Variants in DARS1 observed in about 807,000 individuals in gnomAD.
DARS1 encodes the protein aspartyl-tRNA synthetase 1.
A neutral mutation model predicts 68.8 loss-of-function variants in DARS1; 51 were observed. The ratio of observed to expected loss-of-function variants is 0.74; its 90% CI spans 0.59 to 0.94. The LOEUF (loss-of-function observed/expected upper bound fraction) is 0.94, where lower values mean the gene tolerates loss of function less well. Ranked by LOEUF, DARS1 falls within the 40% of genes least tolerant of loss-of-function variation. DARS1 has a pLI of 0.00. For synonymous variants in DARS1, 203 were observed against 190.4 expected (o/e 1.07, Z -0.55); for missense variants, 607 against 597.3 (o/e 1.02, Z -0.17).
At chr2:135,972,608 T>C (rs1293880296) in intron 3 of DARS1, among the ~76,000 whole-genome samples, 2 of 151,964 alleles carry the variant, frequency 1.3e-5, no homozygotes, top group African/African-American at 4.8e-5. Context: ...TTCTGCACAG[T>C]AAAGGTAACA....
chr2:135,938,327 T>C (rs1288104322), intron 5 of DARS1, among the ~76,000 whole-genome samples: 1 of 152,256 alleles, frequency 6.6e-6, no homozygotes, highest in African/African-American at 2.4e-5. Flanking sequence ...GTGCCATGGT[T>C]TTCAGCTCCA....
chr2:135,973,472 A>T (rs1682429003), intron 3 of DARS1, among the ~76,000 whole-genome samples: 1 of 145,412 alleles, frequency 6.9e-6, no homozygotes, highest in South Asian at 2.3e-4. Flanking sequence ...ATTAATGGGT[A>T]CCAAAAAAAA....
rs149881318 is a variant in DARS1 at position 135,938,202 on chromosome 2, T to C, written c.424-4212A>G. The stretch of plus-strand genomic sequence containing the variant: ...TTGTTCGTTTCTTTTTACTCTTTTT[T>C]CTCTAAACTTCTCTTCTTGCTTCAT... On this transcript the variant is annotated intron_variant, in intron 5 of 15. Coordinates refer to ENST00000264161, the MANE Select transcript of DARS1 (RefSeq NM_001349.4). 7.7e-3 allele frequency among the ~76,000 whole-genome samples: 1,168 copies of C among 152,322 alleles called. 100 individuals carry two copies. The East Asian group carries it at 0.2, about 25-fold the overall frequency.
At chr2:135,942,651 A>C (rs1681629132) in intron 5 of DARS1, among the ~76,000 whole-genome samples, 1 of 152,226 alleles carries the variant, frequency 6.6e-6, no homozygotes, top group African/African-American at 2.4e-5. Context: ...CTTAAAGTAT[A>C]AAAATAAAGG....
chr2:135,931,766 C>A (rs955876513), intron 7 of DARS1, among the ~76,000 whole-genome samples: 1 of 151,978 alleles, frequency 6.6e-6, no homozygotes, highest in Non-Finnish European at 1.5e-5. Context: ...AGCTCATGTT[C>A]CAGATTCTCC....
At chr2:135,968,181 T>C (rs1472346022) in intron 3 of DARS1, among the ~76,000 whole-genome samples, 1 of 152,138 alleles carries the variant, frequency 6.6e-6, no homozygotes, top group Non-Finnish European at 1.5e-5. Flanking sequence ...GGAGAATCAC[T>C]TGAACCCGGC....
At chr2:135,974,146 A>G (rs1682446892) in intron 3 of DARS1, among the ~76,000 whole-genome samples, 1 of 152,244 alleles carries the variant, frequency 6.6e-6, no homozygotes, top group Non-Finnish European at 1.5e-5. Flanking sequence ...ACGCTTATTT[A>G]CAGTATGAGA....
intron 4 of DARS1, among the ~76,000 whole-genome samples, chr2:135,961,060 G>A (rs953053043): frequency 5.3e-5 from 8 of 152,042 alleles, no homozygotes; most frequent in African/African-American, 1.9e-4. Context: ...GGGGAGGGAG[G>A]GAAGGAGGGA....
chr2:135,932,703 T>A (rs1333266595), intron 7 of DARS1, 80 bp downstream of exon 7: 6 of 773,016 alleles, frequency 7.8e-6, no homozygotes, highest in Non-Finnish European at 1.3e-5. Flanking sequence ...TTTAGCTTTA[T>A]AAGCCTGAGA....
Position 135,924,481 on chromosome 2 carries a change from T to C in DARS1, c.582A>G (p.Ala194=). ...VIDLRTSTSQ[A]VFRLQSGICH... ...AGATGCCAGACTGGAGACGGAAGAC[T>C]GCCTGACTAGTTGATGTCTAGAAGA... The change falls in exon 8 of 16, where the codon GCA becomes GCG. Residue 194 remains alanine (A), a synonymous_variant. Transcript: ENST00000264161. The C allele has an allele frequency of 6.2e-7, 1 of 1,606,098 alleles. No homozygotes were observed. The highest frequency in any genetic ancestry group is 8.5e-7 in the Non-Finnish European group (1 of 1,177,812).
intron 4 of DARS1, among the ~76,000 whole-genome samples, chr2:135,960,853 G>C (rs894471875): frequency 1.3e-5 from 2 of 152,178 alleles, no homozygotes; most frequent in African/African-American, 4.8e-5. Flanking sequence ...GAGCCAGACA[G>C]CCCAGACTTT....
chr2:135,970,712 C>T (rs1178059018), intron 3 of DARS1, among the ~76,000 whole-genome samples: 2 of 151,740 alleles, frequency 1.3e-5, no homozygotes, highest in Admixed American at 1.3e-4. Context: ...AGCTTTTAGC[C>T]AGACTAAGGA....
chr2:135,920,557 C>T lies in DARS1; in HGVS notation c.855G>A (p.Glu285=), dbSNP rs1221026784. 1 of 1,613,576 alleles carries T rather than the reference C, an allele frequency of 6.2e-7. No homozygotes were observed. The highest frequency in any genetic ancestry group is 8.5e-7 in the Non-Finnish European group (1 of 1,179,802). The change falls in exon 10 of 16, where the codon GAG becomes GAA. Residue 285 remains glutamate (E), a synonymous_variant. Transcript: ENST00000264161. ...CCATTTCAATGTCCAAACCAACAAA[C>T]TCAGTTAGATGTCTATGGGTATTAG... is the stretch of plus-strand genomic sequence containing the variant. The part of the protein sequence containing the change: ...EDSNTHRHLT[E]FVGLDIEMAF...
At chr2:135,938,906 G>A (rs968353532) in intron 5 of DARS1, among the ~76,000 whole-genome samples, 1 of 152,106 alleles carries the variant, frequency 6.6e-6, no homozygotes, top group African/African-American at 2.4e-5. Context: ...GATCAAAAGA[G>A]ACAAAGAAGG....
Position 135,933,893 on chromosome 2 carries a change from A to G in DARS1, c.504+17T>C, listed in dbSNP as rs373175618. 3.2e-5 allele frequency: 52 copies of G among 1,609,344 alleles called. No homozygotes were observed. Among genetic ancestry groups the G allele is most frequent in the East Asian group, 8.9e-5 (4 of 44,740 alleles). On this transcript the variant is annotated intron_variant, in intron 6 of 15. Coordinates refer to ENST00000264161, the MANE Select transcript of DARS1 (RefSeq NM_001349.4). ...ATATACAGCGGAAGCATAATATTTC[A>G]TAAGTATAATTTTTACCTCTTCTCC... is the stretch of plus-strand genomic sequence containing the variant.
At chr2:135,949,174 T>C (rs1681789142) in intron 4 of DARS1, among the ~76,000 whole-genome samples, 1 of 152,156 alleles carries the variant, frequency 6.6e-6, no homozygotes. Context: ...GAGTGGGAAG[T>C]ATTATATAAG....
intron 6 of DARS1, 108 bp downstream of exon 6, chr2:135,933,802 A>T: frequency 7.3e-7 from 1 of 1,370,838 alleles, no homozygotes; most frequent in Admixed American, 3.0e-5. Context: ...TTTAAATAAC[A>T]ATGGAGCTCA....
intron 1 of DARS1, 53 bp from the exon 2 acceptor site, chr2:135,983,507 A>G: frequency 2.8e-6 from 2 of 716,012 alleles, no homozygotes; most frequent in Non-Finnish European, 2.4e-6. Context: ...CTAAGAGCAC[A>G]GTAAACACAT....
chr2:135,943,255 C>T, intron 5 of DARS1, 123 bp downstream of exon 5: 1 of 1,325,390 alleles, frequency 7.5e-7, no homozygotes, highest in Non-Finnish European at 1.0e-6. Context: ...CTAATTGATT[C>T]AGTAACTAAT....
Sources: gnomAD v4.1 joint callset for allele counts (sites outside exome capture counted in the v4.1 genomes callset) on GRCh38, gnomAD v4.1.1 for gene constraint, MANE v1.5 for transcripts, NCBI Gene and HGNC (gene_info 2026-07-23, HGNC 2026-07-21) for gene names.